STX8: variants seen among roughly 807,000 people sequenced by gnomAD.
STX8 encodes syntaxin 8.
STX8 carries 23 observed loss-of-function variants against 37.5 expected under a neutral mutation model. The ratio of observed to expected loss-of-function variants is 0.61; its 90% CI spans 0.44 to 0.87. The LOEUF is 0.87. Among genes scored for constraint, STX8 ranks in the 40% least tolerant of loss-of-function variants. The pLI is 0.00. For synonymous variants in STX8, 115 were observed against 99.1 expected, an observed-to-expected ratio of 1.16 and a Z score of -0.95; for missense variants, 313 against 284.7, an observed-to-expected ratio of 1.10 and a Z score of -0.71.
At chr17:9,272,439 G>A (rs533692039) in intron 7 of STX8, among the ~76,000 whole-genome samples, 10 of 152,276 alleles carry the variant, frequency 6.6e-5, no homozygotes, top group South Asian at 2.1e-4. Context: ...TATTTCCACC[G>A]CATCAGGGGT....
intron 7 of STX8, among the ~76,000 whole-genome samples, chr17:9,373,768 T>C (rs932666067): frequency 1.3e-5 from 2 of 152,020 alleles, no homozygotes; most frequent in Non-Finnish European, 2.9e-5. Flanking sequence ...GGAGAAACTC[T>C]GTCTCTACTA....
chr17:9,551,189 A>T (rs1282787798), intron 3 of STX8, among the ~76,000 whole-genome samples: 8 of 152,242 alleles, frequency 5.3e-5, no homozygotes, highest in African/African-American at 1.9e-4. Flanking sequence ...GCAAGGGAAC[A>T]GTTTAAGGTT....
At chr17:9,384,794 T>TTTTGTG (rs141833380) in intron 6 of STX8, among the ~76,000 whole-genome samples, 1 of 147,656 alleles carries the variant, frequency 6.8e-6, no homozygotes, top group African/African-American at 2.5e-5. Context: ...CCAGATAGAC[T>TTTTGTG]TGTGTGTGTG....
intron 7 of STX8, among the ~76,000 whole-genome samples, chr17:9,271,674 G>A (rs1463963653): frequency 2.0e-5 from 3 of 151,336 alleles, no homozygotes; most frequent in Non-Finnish European, 4.4e-5. Context: ...CACTTGAACT[G>A]GGGAGGCAGA....
intron 1 of STX8, among the ~76,000 whole-genome samples, chr17:9,574,505 T>TA (rs1387986918): frequency 6.6e-6 from 1 of 150,902 alleles, no homozygotes; most frequent in Non-Finnish European, 1.5e-5. Flanking sequence ...TCAAGGGGTG[T>TA]ATATAACTGT....
chr17:9,470,858 C>G lies in STX8; in HGVS notation c.541+20971G>C, dbSNP rs1261080575. ...TCTCCTGCCTCAGCCTCCTGAGTAGCTGGGACTACAGGTGCCCGCCACCAT... is the reference window on the plus strand; with the variant it reads ...TCTCCTGCCTCAGCCTCCTGAGTAGGTGGGACTACAGGTGCCCGCCACCAT... On this transcript the variant is annotated intron_variant, in intron 6 of 7. Transcript: ENST00000306357. 2.0e-5 allele frequency among the ~76,000 whole-genome samples: 3 copies of G among 150,882 alleles called. No individual in the cohort carries two copies. The South Asian group carries it at 6.4e-4, about 32-fold the overall frequency.
At chr17:9,328,592 C>T (rs1168283814) in intron 7 of STX8, among the ~76,000 whole-genome samples, 10 of 152,270 alleles carry the variant, frequency 6.6e-5, no homozygotes, top group East Asian at 3.9e-4. Context: ...GGGTGACAAA[C>T]GCTGAGGTTG....
At chr17:9,295,539 T>C (rs1908484267) in intron 7 of STX8, among the ~76,000 whole-genome samples, 1 of 152,026 alleles carries the variant, frequency 6.6e-6, no homozygotes, top group African/African-American at 2.4e-5. Context: ...GGTCAGGAGT[T>C]CGAGACCAGC....
intron 5 of STX8, among the ~76,000 whole-genome samples, chr17:9,496,764 A>G (rs1487179954): frequency 1.3e-5 from 2 of 152,178 alleles, no homozygotes; most frequent in Non-Finnish European, 2.9e-5. Context: ...AGCTGCCATC[A>G]GAGGGAGTAT....
intron 7 of STX8, among the ~76,000 whole-genome samples, chr17:9,262,680 C>T (rs1216123075): frequency 6.6e-6 from 1 of 151,956 alleles, no homozygotes; most frequent in African/African-American, 2.4e-5. Context: ...CTCCCAGGTT[C>T]AAGCAATTCT....
chr17:9,408,337 T>C (rs1395698149), intron 6 of STX8, among the ~76,000 whole-genome samples: 1 of 152,172 alleles, frequency 6.6e-6, no homozygotes, highest in African/African-American at 2.4e-5. Flanking sequence ...ATCCATCTAG[T>C]AATTCTCCAA....
intron 6 of STX8, among the ~76,000 whole-genome samples, chr17:9,462,378 C>T (rs1905425812): frequency 6.6e-6 from 1 of 152,138 alleles, no homozygotes. Flanking sequence ...TTGTGACTAA[C>T]CTGAGAAGAA....
intron 2 of STX8, among the ~76,000 whole-genome samples, chr17:9,567,294 T>C (rs1287173518): frequency 6.6e-6 from 1 of 152,178 alleles, no homozygotes; most frequent in African/African-American, 2.4e-5. Context: ...ACCCCTGAAC[T>C]TGAAAGTTAA....
At chr17:9,524,159 G>T (rs1361722048) in intron 4 of STX8, among the ~76,000 whole-genome samples, 1 of 152,176 alleles carries the variant, frequency 6.6e-6, no homozygotes, top group Admixed American at 6.5e-5. Context: ...GTTCTAAAAA[G>T]ACAGGATTCA....
chr17:9,375,063 C>CAAAAAAAA (rs58594029), intron 7 of STX8, among the ~76,000 whole-genome samples: 3 of 65,470 alleles, frequency 4.6e-5, no homozygotes, highest in Admixed American at 1.9e-4. Flanking sequence ...GACTCTGTCT[C>CAAAAAAAA]AAAAAAAAAA....
chr17:9,483,411 G>A (rs1157719779), intron 6 of STX8, among the ~76,000 whole-genome samples: 1 of 152,066 alleles, frequency 6.6e-6, no homozygotes, highest in East Asian at 1.9e-4. Context: ...GGATAATCCA[G>A]GATAATCTAC....
At chr17:9,294,128 G>A (rs948815129) in intron 7 of STX8, among the ~76,000 whole-genome samples, 1 of 152,150 alleles carries the variant, frequency 6.6e-6, no homozygotes, top group Admixed American at 6.5e-5. Flanking sequence ...CTAGCCTAGA[G>A]GTGGCCTAGG....
chr17:9,317,893 G>T (rs1298374299), intron 7 of STX8, among the ~76,000 whole-genome samples: 1 of 152,176 alleles, frequency 6.6e-6, no homozygotes, highest in Non-Finnish European at 1.5e-5. Flanking sequence ...TCTGCTTTCT[G>T]GACCATGTCA....
intron 5 of STX8, among the ~76,000 whole-genome samples, chr17:9,495,303 C>A (rs1904342854): frequency 6.6e-6 from 1 of 152,066 alleles, no homozygotes; most frequent in Non-Finnish European, 1.5e-5. Flanking sequence ...CTTGGATGGC[C>A]TCCAAGATAA....
Sources: gnomAD v4.1 joint callset for allele counts (sites outside exome capture counted in the v4.1 genomes callset) on GRCh38, gnomAD v4.1.1 for gene constraint, MANE v1.5 for transcripts, NCBI Gene and HGNC (gene_info 2026-07-23, HGNC 2026-07-21) for gene names.